Variants in MXRA5 observed in about 807,000 individuals in gnomAD.
The protein encoded by MXRA5 is matrix remodeling associated 5, also known as matrix-remodeling-associated protein 5.
MXRA5 carries 41 observed loss-of-function variants against 112.5 expected under a neutral mutation model. The observed-to-expected ratio is 0.36, with a 90% CI of 0.28 to 0.47. The LOEUF is 0.47. Ranked by LOEUF, MXRA5 falls within the 20% of genes least tolerant of loss-of-function variation. The probability of loss-of-function intolerance (pLI) is 0.99; values close to 1 mark genes in which losing one functional copy is unlikely to be tolerated. For synonymous variants in MXRA5, 862 were observed against 900.8 expected, an observed-to-expected ratio of 0.96 and a Z score of 0.77; for missense variants, 2,150 against 2,251.0, an observed-to-expected ratio of 0.96 and a Z score of 0.91.
chrX:3,341,322 G>A (rs1921952353), intron 2 of MXRA5, among the ~76,000 whole-genome samples: 1 of 37,300 alleles, frequency 2.7e-5, no homozygotes, highest in Non-Finnish European at 4.7e-5. Flanking sequence ...TATATAACAT[G>A]TATATTTACA....
intron 2 of MXRA5, among the ~76,000 whole-genome samples, chrX:3,338,848 T>A (rs909636542): frequency 9.1e-6 from 1 of 109,893 alleles, no homozygotes; most frequent in African/African-American, 3.3e-5. Context: ...CATAGATAGG[T>A]AGGTAGATAG....
chrX:3,330,036 A>C lies in MXRA5; in HGVS notation c.691T>G (p.Trp231Gly). ...TTCTTACCTCTGGATTTTGCATCCC[A>C]TTCCAAAAACCATCTCATCTCACAA... ...CDCEMRWFLEWDAKSRGILKC... is the reference protein window; with the variant it reads ...CDCEMRWFLEGDAKSRGILKC... Residue 231 changes from tryptophan to glycine, a missense_variant, in exon 4 of 7, where the codon TGG (tryptophan) becomes GGG (glycine). Physicochemically the swap from Trp to Gly is radical, Grantham distance 184 (BLOSUM62 -2). Around this residue, in one of 6 missense-constraint regions of MXRA5, gnomAD observed 386 missense variants for 411.0 expected, o/e 0.94. Transcript: ENST00000217939. The C allele has an allele frequency of 2.5e-6, 3 of 1,210,701 alleles. No homozygotes were observed. The highest frequency in any genetic ancestry group is 3.4e-6 in the Non-Finnish European group (3 of 895,159).
intron 2 of MXRA5, among the ~76,000 whole-genome samples, chrX:3,341,040 ATTGTG>A (rs1386904064): frequency 7.6e-5 from 3 of 39,596 alleles, no homozygotes; most frequent in Non-Finnish European, 1.1e-4. Context: ...TATAATATAT[ATTGTG>A]TATAATATAT....
In MXRA5 at chrX:3,310,150, G is replaced by A; in HGVS notation, c.8053C>T (p.Leu2685=). 4 of 1,211,896 alleles carry A rather than the reference G, an allele frequency of 3.3e-6. No homozygotes were observed. The highest frequency in any genetic ancestry group is 4.5e-6 in the Non-Finnish European group (4 of 895,518). ...TTGTCCAGAAGAGAAACGCGTCCCAGGGTTTGGGGGCCCTCCAGATGCATG... is the reference window on the plus strand; with the variant it reads ...TTGTCCAGAAGAGAAACGCGTCCCAAGGTTTGGGGGCCCTCCAGATGCATG... The part of the protein sequence containing the change: ...NGMHLEGPQT[L]GRVSLLDNGT... Residue 2685 remains leucine (L), a synonymous_variant, in exon 7 of 7, where the codon CTG becomes TTG. Transcript: ENST00000217939.
intron 6 of MXRA5, among the ~76,000 whole-genome samples, chrX:3,313,434 A>G (rs192133589): frequency 1.3e-3 from 145 of 111,612 alleles, no homozygotes; most frequent in African/African-American, 4.5e-3. Flanking sequence ...TAATTTTTGT[A>G]TTTTGAGTAG....
chrX:3,335,526 T>C (rs1217834524), intron 2 of MXRA5, among the ~76,000 whole-genome samples: 1 of 112,265 alleles, frequency 8.9e-6, no homozygotes, highest in African/African-American at 3.2e-5. Context: ...GAATACCTTA[T>C]TTCTTCTTAT....
chrX:3,334,305 A>C (rs920078837), intron 2 of MXRA5, among the ~76,000 whole-genome samples: 3 of 111,898 alleles, frequency 2.7e-5, no homozygotes, highest in Non-Finnish European at 3.8e-5. Flanking sequence ...GAGGTCAGGC[A>C]CACTTCACGT....
intron 2 of MXRA5, among the ~76,000 whole-genome samples, chrX:3,338,945 AATAG>A (rs745859801): frequency 1.5e-4 from 14 of 92,154 alleles, no homozygotes; most frequent in South Asian, 1.1e-3. Context: ...GACTATAGAT[AATAG>A]ATAGATAGTT....
Position 3,320,581 on chromosome X carries a change from A to G in MXRA5, c.5104T>C (p.Phe1702Leu). 2 of 1,211,905 alleles carry G rather than the reference A, an allele frequency of 1.7e-6. No homozygotes were observed. Among genetic ancestry groups the G allele is most frequent in the African/African-American group, 1.7e-5 (1 of 57,837 alleles). Residue 1702 changes from phenylalanine (F) to leucine (L), a missense_variant, in exon 5 of 7, where the codon TTT becomes CTT. Coordinates refer to ENST00000217939, the MANE Select transcript of MXRA5 (RefSeq NM_015419.4). ...GCCTCAGGGATGTTGTTATTTCCAA[A>G]CACTTTGGAGTAGCCATTGAATTGG... ...TDQFNGYSKV[F>L]GNNNIPEARN... is the part of the protein sequence containing the mutation.
Position 3,323,839 on chromosome X carries a change from T to C in MXRA5, c.1846A>G (p.Arg616Gly), listed in dbSNP as rs371934548. 45 of 1,209,379 alleles carry C rather than the reference T, an allele frequency of 3.7e-5. No individual in the cohort carries two copies. The highest frequency in any genetic ancestry group is 4.6e-5 in the Non-Finnish European group (41 of 894,683). The change falls in exon 5 of 7, where the codon AGA becomes GGA. Residue 616 changes from arginine to glycine, a missense_variant. Arg to Gly is a moderately radical substitution (Grantham distance 125). Transcript: ENST00000217939. ...EAHLSWILPN[R>G]RIINDLANTS... is the part of the protein sequence containing the mutation. ...TTAGCCAAATCATTAATTATCCTTC[T>C]GTTTGGAAGAATCCAGCTAAGGTGG...
chrX:3,346,560 A>G lies in MXRA5; in HGVS notation c.-74T>C. On this transcript the variant is annotated 5_prime_UTR_variant, in exon 1 of 7. The change abolishes an upstream ATG in the 5' untranslated region. Coordinates refer to ENST00000217939, the MANE Select transcript of MXRA5 (RefSeq NM_015419.4). The stretch of plus-strand genomic sequence containing the variant: ...CACACGGGAGCGGTGCGCCGGGAGC[A>G]TCCACCGAGCCGGGGCGCGCGAGTC... 11 of 754,614 alleles carry G rather than the reference A, an allele frequency of 1.5e-5. No individual in the cohort carries two copies. The highest frequency in any genetic ancestry group is 1.7e-5 in the Non-Finnish European group (11 of 639,349). 62.2% of individuals were successfully genotyped at this position (754,614 alleles called of 1,213,427 possible). A position where few individuals can be genotyped will look rare whatever the true frequency, so the allele number is the denominator to read the frequency against.
At position 3,317,392 on chromosome X, in the gene MXRA5, C is replaced by T. The variant is rs761349146; in HGVS notation, c.6289G>A (p.Gly2097Arg). The change falls in exon 6 of 7, where the codon GGG becomes AGG. Residue 2097 changes from glycine to arginine, a missense_variant. Physicochemically the swap from Gly to Arg is moderately radical, Grantham distance 125 (BLOSUM62 -2). Transcript: ENST00000217939. ...TQIRPSQFLH[G>R]NLFVFPNGTL... ...CCGTTGGGGAAAACAAACAAGTTCC[C>T]GTGGAGGAACTGCGAGGGGCGGATC... is the stretch of plus-strand genomic sequence containing the variant. 7 of 1,207,951 alleles carry T rather than the reference C, an allele frequency of 5.8e-6. No homozygotes were observed. Among genetic ancestry groups the T allele is most frequent in the Non-Finnish European group, 7.8e-6 (7 of 894,022 alleles).
At chrX:3,318,396 C>G (rs1921210081) in intron 5 of MXRA5, among the ~76,000 whole-genome samples, 1 of 111,806 alleles carries the variant, frequency 8.9e-6, no homozygotes, top group Admixed American at 9.5e-5. Context: ...ATTCTCTTGT[C>G]TTGGCTACCC....
chrX:3,337,197 G>T (rs1382716411), intron 2 of MXRA5, among the ~76,000 whole-genome samples: 2 of 111,821 alleles, frequency 1.8e-5, no homozygotes, highest in African/African-American at 6.5e-5. Context: ...CATTTTAGAA[G>T]AATATTCCGT....
chrX:3,325,611 A>G (rs926534309), intron 4 of MXRA5, among the ~76,000 whole-genome samples: 2 of 103,987 alleles, frequency 1.9e-5, no homozygotes, highest in African/African-American at 3.4e-5. Flanking sequence ...ATATATTAAT[A>G]TGTAGATATA....
intron 4 of MXRA5, among the ~76,000 whole-genome samples, chrX:3,328,683 C>T (rs189923846): frequency 9.3e-5 from 10 of 107,995 alleles, no homozygotes; most frequent in African/African-American, 3.4e-4. Context: ...GAAATAGATC[C>T]AGGATATGGT....
chrX:3,320,156 T>C lies in MXRA5; in HGVS notation c.5529A>G (p.Ala1843=), dbSNP rs762059975. Reference sequence around the variant, plus strand: ...TTTCCCCAAGAGACCAGAATTTGGATGCAGGAGGTCCTCCTGCAAAGAACT... The same window carrying C: ...TTTCCCCAAGAGACCAGAATTTGGACGCAGGAGGTCCTCCTGCAAAGAACT... ...SSKFFAGGPP[A]SKFWSLGEKP... is the part of the protein sequence containing the mutation. Residue 1843 remains alanine, a synonymous_variant, in exon 5 of 7, where the codon GCA becomes GCG. Transcript: ENST00000217939. 1.7e-5 allele frequency: 21 copies of C among 1,209,046 alleles called. No homozygotes were observed. In the East Asian group the frequency reaches 5.6e-4, roughly 32 times the overall value.
chrX:3,331,178 T>A (rs1164564961), intron 2 of MXRA5, among the ~76,000 whole-genome samples: 1 of 111,792 alleles, frequency 8.9e-6, no homozygotes, highest in Non-Finnish European at 1.9e-5. Flanking sequence ...AGTGCTGGGA[T>A]TACAAGCAAG....
chrX:3,335,132 T>G (rs1310750802), intron 2 of MXRA5, among the ~76,000 whole-genome samples: 1 of 111,879 alleles, frequency 8.9e-6, no homozygotes, highest in Non-Finnish European at 1.9e-5. Context: ...GTAAATGAAG[T>G]GTCAATCATG....
Sources: gnomAD v4.1 joint callset for allele counts (sites outside exome capture counted in the v4.1 genomes callset) on GRCh38, gnomAD v4.1.1 for gene constraint, gnomAD v4.1.1 regional missense constraint, MANE v1.5 for transcripts, NCBI Gene and HGNC (gene_info 2026-07-23, HGNC 2026-07-21) for gene names.